Variants in PLXNA4 observed in about 807,000 individuals in gnomAD.
PLXNA4 encodes the protein plexin A4.
Under a neutral mutation model 191.8 loss-of-function variants are expected in PLXNA4, and 44 were observed. The ratio of observed to expected loss-of-function variants is 0.23; its 90% confidence interval spans 0.18 to 0.29. The LOEUF (loss-of-function observed/expected upper bound fraction) is 0.29, where lower values mean the gene tolerates loss of function less well. Ranked by LOEUF, PLXNA4 falls within the 10% of genes least tolerant of loss-of-function variation. The pLI, the probability that PLXNA4 is intolerant of heterozygous loss-of-function variation, is 1.00. For missense variants in PLXNA4, 1,800 were observed against 2,488.8 expected, an observed-to-expected ratio of 0.72 and a Z score of 5.89; for synonymous variants, 1,082 against 1,009.5, an observed-to-expected ratio of 1.07 and a Z score of -1.36.
Position 132,383,952 on chromosome 7 carries a change from A to G in PLXNA4, c.1372-85730T>C, listed in dbSNP as rs144756124. ...TGAACAACTGTTTATAATGCTTTTC[A>G]ACTCTTTCAAAGTCCTTGCTTTACC... On this transcript the variant is annotated intron_variant, in intron 3 of 31. Transcript: ENST00000321063. The G allele has an allele frequency of 1.9e-4, 185 of 985,442 alleles. 2 individuals are homozygous for G. The African/African-American group carries it at 2.9e-3, about 16-fold the overall frequency. The allele number at this position is 985,442 out of a possible 1,614,324, so 61.0% of individuals were successfully genotyped here. A position where few individuals can be genotyped will look rare whatever the true frequency, so the allele number is the denominator to read the frequency against.
At chr7:132,554,257 C>T (rs879650559) in intron 1 of PLXNA4, among the ~76,000 whole-genome samples, 1 of 152,156 alleles carries the variant, frequency 6.6e-6, no homozygotes, top group Admixed American at 6.6e-5. Context: ...GACAAGGACC[C>T]TGGGGGGACA....
intron 25 of PLXNA4, among the ~76,000 whole-genome samples, chr7:132,151,958 C>A (rs1308066534): frequency 6.6e-6 from 1 of 152,202 alleles, no homozygotes; most frequent in South Asian, 2.1e-4. Context: ...TTGGCCAGAA[C>A]CCACTTTCAC....
In PLXNA4 at chr7:132,227,531, A is replaced by G. The variant is rs766783467; in HGVS notation, c.1802T>C (p.Met601Thr). The change falls in exon 7 of 32, where the codon ATG (methionine) becomes ACG (threonine). Residue 601 changes from methionine to threonine, a missense_variant. Coordinates refer to ENST00000321063, the MANE Select transcript of PLXNA4 (RefSeq NM_020911.2). ...CTGATTGCCCACGACCAGCCCATCC[A>G]TCTCTGACAGGTCCTCAAAGGTGCA... ...VNCTFEDLSE[M>T]DGLVVGNQIQ... 1 of 1,614,126 alleles carries G rather than the reference A, an allele frequency of 6.2e-7. No individual in the cohort carries two copies. The highest frequency in any genetic ancestry group is 1.7e-5 in the Admixed American group (1 of 60,014).
intron 3 of PLXNA4, among the ~76,000 whole-genome samples, chr7:132,317,354 TG>T (rs778139112): frequency 1.3e-5 from 2 of 151,980 alleles, no homozygotes; most frequent in Non-Finnish European, 1.5e-5. Context: ...TGGATTGGGT[TG>T]GGTTGTGTTG....
Position 132,407,039 on chromosome 7 carries a change from A to G in PLXNA4, c.1371+82253T>C, listed in dbSNP as rs1345668211. Reference sequence around the variant, plus strand: ...CATCTCCCAAGTCCTCATCTGCCTTATGGAGTCTGGGATAGAAGGGCATTC... The same window carrying G: ...CATCTCCCAAGTCCTCATCTGCCTTGTGGAGTCTGGGATAGAAGGGCATTC... On this transcript the variant is annotated intron_variant, in intron 3 of 31. Coordinates refer to ENST00000321063, the MANE Select transcript of PLXNA4 (RefSeq NM_020911.2). Among the ~76,000 whole-genome samples the G allele has an allele frequency of 2.0e-5, 3 of 152,170 alleles. No individual in the cohort carries two copies. In the East Asian group the frequency reaches 5.8e-4, roughly 29 times the overall value.
intron 1 of PLXNA4, among the ~76,000 whole-genome samples, chr7:132,566,184 C>T (rs1218876949): frequency 1.3e-5 from 2 of 152,126 alleles, no homozygotes; most frequent in African/African-American, 4.8e-5. Flanking sequence ...CATGGGGGGG[C>T]TCTATAATTG....
rs1197912722 is a variant in PLXNA4, at chr7:132,507,515, G to A, written c.1179C>T (p.Cys393=). The A allele has an allele frequency of 6.2e-7, 1 of 1,610,592 alleles. No individual in the cohort carries two copies. Among genetic ancestry groups the A allele is most frequent in the Admixed American group, 1.7e-5 (1 of 59,922 alleles). The part of the protein sequence containing the change: ...LAWLKVKDIP[C]SSALLTIDDN... Reference sequence around the variant, plus strand: ...CCCTCCCTGTACTCACCGCACTGCTGCAGGGGATGTCCTTCACCTTGAGCC... The same window carrying A: ...CCCTCCCTGTACTCACCGCACTGCTACAGGGGATGTCCTTCACCTTGAGCC... Residue 393 remains cysteine (C), a synonymous_variant, in exon 2 of 32, where the codon TGC becomes TGT. Coordinates refer to ENST00000321063, the MANE Select transcript of PLXNA4 (RefSeq NM_020911.2).
At chr7:132,399,761 G>T (rs1417907656) in intron 3 of PLXNA4, among the ~76,000 whole-genome samples, 1 of 152,206 alleles carries the variant, frequency 6.6e-6, no homozygotes, top group Non-Finnish European at 1.5e-5. Context: ...TATTCCTGAT[G>T]AAAGTAGACT....
At chr7:132,476,883 T>C (rs555685015) in intron 3 of PLXNA4, among the ~76,000 whole-genome samples, 3 of 152,190 alleles carry the variant, frequency 2.0e-5, no homozygotes, top group Non-Finnish European at 4.4e-5. Flanking sequence ...TTTGGGGAGA[T>C]ACAAACATTC....
intron 3 of PLXNA4, among the ~76,000 whole-genome samples, chr7:132,365,265 A>G (rs758059061): frequency 1.6e-4 from 24 of 152,160 alleles, no homozygotes; most frequent in Non-Finnish European, 2.9e-4. Context: ...CCTTGAGTAC[A>G]CTGCAGAAGG....
At chr7:132,496,912 T>C (rs1340613196) in intron 2 of PLXNA4, among the ~76,000 whole-genome samples, 1 of 152,170 alleles carries the variant, frequency 6.6e-6, no homozygotes, top group Non-Finnish European at 1.5e-5. Flanking sequence ...ACCACTCACT[T>C]AAGCTGGGCT....
rs1424021532 is a variant in PLXNA4, at chr7:132,575,778, C to T, written c.-87+644G>A. On this transcript the variant is annotated intron_variant, in intron 1 of 31. Coordinates refer to ENST00000321063, the MANE Select transcript of PLXNA4 (RefSeq NM_020911.2). ...CGGCGCATTCCCGGGGAAGCAGTGCCACGCTTCAGAAAGGCGTTTGTGCTG... is the reference window on the plus strand; with the variant it reads ...CGGCGCATTCCCGGGGAAGCAGTGCTACGCTTCAGAAAGGCGTTTGTGCTG... Among the ~76,000 whole-genome samples the T allele has an allele frequency of 2.0e-5, 3 of 152,224 alleles. No individual in the cohort carries two copies. In the East Asian group the frequency reaches 5.8e-4, roughly 29 times the overall value.
intron 3 of PLXNA4, among the ~76,000 whole-genome samples, chr7:132,355,303 C>A (rs1286431694): frequency 6.6e-6 from 1 of 152,210 alleles, no homozygotes; most frequent in Non-Finnish European, 1.5e-5. Flanking sequence ...CTCCAGCTAG[C>A]CATCAATTCT....
chr7:132,420,566 A>G (rs1483322616), intron 3 of PLXNA4, among the ~76,000 whole-genome samples: 1 of 152,132 alleles, frequency 6.6e-6, no homozygotes, highest in African/African-American at 2.4e-5. Flanking sequence ...CCTGAATAGG[A>G]AGAAGAACAC....
chr7:132,583,928 ACT>A (rs1326322809), intron 2 of PLXNA4, among the ~76,000 whole-genome samples: 2 of 151,980 alleles, frequency 1.3e-5, no homozygotes, highest in Non-Finnish European at 2.9e-5. Context: ...TATCTTCCCA[ACT>A]CTGCAACCAG....
At chr7:132,537,516 A>G (rs150804238) in intron 1 of PLXNA4, among the ~76,000 whole-genome samples, 1 of 152,352 alleles carries the variant, frequency 6.6e-6, no homozygotes, top group Non-Finnish European at 1.5e-5. Context: ...CAAAAAAGTT[A>G]AGATGTGCTT....
upstream of PLXNA4, chr7:132,576,759 G>T: frequency 3.7e-6 from 1 of 268,334 alleles, no homozygotes; most frequent in Non-Finnish European, 5.7e-6. This position sits in a 1 kb window ranked among gnomAD's most constrained non-coding sequence, Gnocchi z 5.8. Context: ...AGCAGCGGCG[G>T]CGGCTCTCGG....
chr7:132,239,403 T>C (rs905077427), intron 5 of PLXNA4, among the ~76,000 whole-genome samples: 7 of 152,122 alleles, frequency 4.6e-5, no homozygotes, highest in Non-Finnish European at 8.8e-5. Flanking sequence ...AAAGCTGACA[T>C]GGAAATTGCC....
chr7:132,561,279 T>TTCCTCC (rs774126529), intron 1 of PLXNA4, among the ~76,000 whole-genome samples: 1 of 150,880 alleles, frequency 6.6e-6, no homozygotes, highest in African/African-American at 2.4e-5. Flanking sequence ...GATGCCCCTC[T>TTCCTCC]TCCTCCTCCT....
Sources: allele counts gnomAD v4.1 joint callset (sites outside exome capture counted in the v4.1 genomes callset), GRCh38; gene constraint gnomAD v4.1.1; non-coding constraint Gnocchi (gnomAD v3.1); transcripts MANE v1.5; gene names NCBI Gene and HGNC (gene_info 2026-07-23, HGNC 2026-07-21).